Variants in OSBPL10 observed in about 807,000 individuals in gnomAD.
OSBPL10 encodes the protein oxysterol binding protein like 10.
Under a neutral mutation model 81.7 loss-of-function variants are expected in OSBPL10, and 49 were observed. That is an observed-to-expected ratio of 0.60 (90% CI 0.48 to 0.76). The LOEUF (loss-of-function observed/expected upper bound fraction) is 0.76, where lower values mean the gene tolerates loss of function less well. Ranked by LOEUF, OSBPL10 falls within the 30% of genes least tolerant of loss-of-function variation. OSBPL10 has a pLI of 0.00. For missense variants in OSBPL10, 923 were observed against 987.8 expected, an observed-to-expected ratio of 0.93 and a Z score of 0.88; for synonymous variants, 419 against 383.6, an observed-to-expected ratio of 1.09 and a Z score of -1.08.
intron 3 of OSBPL10, among the ~76,000 whole-genome samples, chr3:31,830,620 G>C (rs1700216144): frequency 6.6e-6 from 1 of 152,100 alleles, no homozygotes; most frequent in Non-Finnish European, 1.5e-5. Flanking sequence ...TTCAAACTCA[G>C]CATGGTGTTC....
intron 4 of OSBPL10, chr3:31,822,074 A>C (rs1459265418): frequency 6.6e-6 from 1 of 152,244 alleles, no homozygotes; most frequent in African/African-American, 2.4e-5. Flanking sequence ...TACATGAAGA[A>C]ACATATAAAT....
rs183782549 is a variant in OSBPL10, at chr3:31,947,828, C to T, written c.281+33071G>A. Among the ~76,000 whole-genome samples the T allele has an allele frequency of 5.1e-4, 77 of 151,386 alleles. No homozygotes were observed. The Middle Eastern group carries it at 0.01, about 20-fold the overall frequency. On this transcript the variant is annotated intron_variant, in intron 1 of 11. Coordinates refer to ENST00000396556, the MANE Select transcript of OSBPL10 (RefSeq NM_017784.5). The stretch of plus-strand genomic sequence containing the variant: ...ATGCAAATGAGTGCTTGAGGAAGTG[C>T]TCTCAGGATCCGGAGAAACTGGAAG...
chr3:31,783,814 A>T (rs1559463301), intron 4 of OSBPL10, among the ~76,000 whole-genome samples: 14 of 78,658 alleles, frequency 1.8e-4, no homozygotes, highest in African/African-American at 8.5e-4. Flanking sequence ...AAAAAAAAAA[A>T]AAAAAAAAAA....
intron 4 of OSBPL10, among the ~76,000 whole-genome samples, chr3:31,828,209 C>T (rs1397911085): frequency 6.6e-6 from 1 of 152,158 alleles, no homozygotes; most frequent in African/African-American, 2.4e-5. Context: ...AGTGTTGTGT[C>T]ATTTTATCAC....
intron 1 of OSBPL10, among the ~76,000 whole-genome samples, chr3:31,974,662 A>T (rs1698646441): frequency 6.6e-6 from 1 of 152,208 alleles, no homozygotes; most frequent in South Asian, 2.1e-4. Flanking sequence ...CACAATACAC[A>T]GTTCAAAAGG....
Position 31,917,821 on chromosome 3 carries a change from G to A in OSBPL10, c.282-37991C>T, listed in dbSNP as rs549625990. ...AAGTATGAGGCTGACTTTGCTCCTCGGTTTTGTTATCAGCCTTAGTTAAGG... is the reference window on the plus strand; with the variant it reads ...AAGTATGAGGCTGACTTTGCTCCTCAGTTTTGTTATCAGCCTTAGTTAAGG... On this transcript the variant is annotated intron_variant, in intron 1 of 11. Coordinates refer to ENST00000396556, the MANE Select transcript of OSBPL10 (RefSeq NM_017784.5). Among the ~76,000 whole-genome samples the A allele has an allele frequency of 1.7e-4, 26 of 151,010 alleles. No homozygotes were observed. The East Asian group carries it at 2.3e-3, about 14-fold the overall frequency.
intron 2 of OSBPL10, among the ~76,000 whole-genome samples, chr3:32,008,665 G>T (rs1246685469): frequency 2.7e-5 from 4 of 150,448 alleles, no homozygotes; most frequent in Non-Finnish European, 4.4e-5. Flanking sequence ...TGAGAGGATC[G>T]CTTAAGCCCA....
chr3:31,661,700 A>G lies in OSBPL10; in HGVS notation c.*372T>C. Reference sequence around the variant, plus strand: ...TAAGTGAGAATATCTTTGTGAGTGTAAAACATTTTTGGCAAAGTGAAAAAT... The same window carrying G: ...TAAGTGAGAATATCTTTGTGAGTGTGAAACATTTTTGGCAAAGTGAAAAAT... On this transcript the variant is annotated 3_prime_UTR_variant, in exon 12 of 12. Coordinates refer to ENST00000396556, the MANE Select transcript of OSBPL10 (RefSeq NM_017784.5). 1 of 167,930 alleles carries G rather than the reference A, an allele frequency of 6.0e-6. No homozygotes were observed. The highest frequency in any genetic ancestry group is 1.9e-4 in the South Asian group (1 of 5,222). The allele number at this position is 167,930 out of a possible 1,614,324, so 10.4% of individuals were successfully genotyped here.
chr3:31,858,048 T>C (rs1575586357), intron 3 of OSBPL10, among the ~76,000 whole-genome samples: 1 of 150,224 alleles, frequency 6.7e-6, no homozygotes, highest in African/African-American at 2.5e-5. Flanking sequence ...CAGACTGGAG[T>C]GCAGGGGCGT....
At chr3:31,835,290 G>C (rs966727895) in intron 3 of OSBPL10, among the ~76,000 whole-genome samples, 1 of 152,062 alleles carries the variant, frequency 6.6e-6, no homozygotes, top group African/African-American at 2.4e-5. Context: ...ATCTACATGG[G>C]TTACCCAAAA....
chr3:31,926,566 C>T (rs968147007), intron 1 of OSBPL10, among the ~76,000 whole-genome samples: 3 of 152,158 alleles, frequency 2.0e-5, no homozygotes, highest in Non-Finnish European at 4.4e-5. Context: ...ATTTGCAGCA[C>T]ATATGCCATA....
intron 4 of OSBPL10, among the ~76,000 whole-genome samples, chr3:31,816,451 G>T (rs1370695435): frequency 6.6e-6 from 1 of 152,182 alleles, no homozygotes; most frequent in East Asian, 1.9e-4. Context: ...AGGGACCTCA[G>T]GGGACAGATA....
At chr3:31,692,643 T>C (rs769079946) in intron 7 of OSBPL10, among the ~76,000 whole-genome samples, 2 of 152,192 alleles carry the variant, frequency 1.3e-5, no homozygotes, top group Non-Finnish European at 2.9e-5. Flanking sequence ...ATATTTCAGA[T>C]TTAAACTGTT....
intron 2 of OSBPL10, chr3:31,989,211 G>T: frequency 6.2e-7 from 1 of 1,614,128 alleles, no homozygotes; most frequent in Non-Finnish European, 8.5e-7. Context: ...TGGACCCTAC[G>T]CAGAGGGCTT....
upstream of OSBPL10, among the ~76,000 whole-genome samples, chr3:31,984,335 G>A (rs906905371): frequency 1.3e-5 from 2 of 151,408 alleles, no homozygotes; most frequent in African/African-American, 2.4e-5. Context: ...CCACCGTACC[G>A]GGCCCACCTA....
intron 4 of OSBPL10, among the ~76,000 whole-genome samples, chr3:31,819,245 AC>A (rs1699924028): frequency 6.6e-6 from 1 of 152,202 alleles, no homozygotes; most frequent in African/African-American, 2.4e-5. Flanking sequence ...TAGAAGGGTG[AC>A]GATGGCAGCT....
At chr3:31,845,520 T>C (rs1376810549) in intron 3 of OSBPL10, among the ~76,000 whole-genome samples, 4 of 152,212 alleles carry the variant, frequency 2.6e-5, no homozygotes, top group Non-Finnish European at 5.9e-5. Context: ...TTATAGTGCT[T>C]TTATAGTAAG....
rs774656353 is a variant in OSBPL10 at position 31,670,802 on chromosome 3, G to A, written c.1908C>T (p.Val636=). ...FHTKPFYGGK[V]HRVTAEVKHN... ...TCTCTCCGGCCAGCTCCTACCTGTG[G>A]ACTTTCCCTCCATAGAAAGGCTTCG... is the stretch of plus-strand genomic sequence containing the variant. The change falls in exon 9 of 12, where the codon GTC becomes GTT. Residue 636 remains valine, a synonymous_variant. Transcript: ENST00000396556. The A allele has an allele frequency of 5.3e-5, 86 of 1,613,462 alleles. 1 individual carries two copies. In the Admixed American group the frequency reaches 1.4e-3, roughly 26 times the overall value.
intron 7 of OSBPL10, among the ~76,000 whole-genome samples, chr3:31,690,215 G>T (rs1695488310): frequency 6.6e-6 from 1 of 152,086 alleles, no homozygotes; most frequent in Non-Finnish European, 1.5e-5. Flanking sequence ...TCTCATGATA[G>T]TGAGTTCTCA....
Sources: allele counts gnomAD v4.1 joint callset (sites outside exome capture counted in the v4.1 genomes callset), GRCh38; gene constraint gnomAD v4.1.1; transcripts MANE v1.5; gene names NCBI Gene and HGNC (gene_info 2026-07-23, HGNC 2026-07-21).